Variants in MUC4 observed in about 807,000 individuals in gnomAD.
The protein encoded by MUC4 is mucin-4.
Under a neutral mutation model 257.9 loss-of-function variants are expected in MUC4, and 202 were observed. That is an observed-to-expected ratio of 0.78 (90% CI 0.70 to 0.88). The LOEUF (loss-of-function observed/expected upper bound fraction) is 0.88, where lower values mean the gene tolerates loss of function less well. MUC4 is among the 40% of genes least tolerant of loss of function. The pLI, the probability that MUC4 is intolerant of heterozygous loss-of-function variation, is 0.00. For missense variants in MUC4, 5,976 were observed against 6,513.7 expected, an observed-to-expected ratio of 0.92 and a Z score of 2.84; for synonymous variants, 2,351 against 2,757.1, an observed-to-expected ratio of 0.85 and a Z score of 4.62.
rs200964957 is a variant in MUC4, at chr3:195,784,340, C to T, written c.7240G>A (p.Ala2414Thr). ...TDTSSASTGH[A>T]THLPVTGLSS... ...AGGCCGGTGACAGGAAGATGGGTGG[C>T]GTGACCTGTGGATGCTGAGGAAGTG... is the stretch of plus-strand genomic sequence containing the variant. The change falls in exon 2 of 25, where the codon GCC becomes ACC. Residue 2414 changes from alanine (A) to threonine (T), a missense_variant. Ala to Thr is a moderately conservative substitution (Grantham distance 58). Around this residue, in one of 44 missense-constraint regions of MUC4, gnomAD observed 5 missense variants for 46.3 expected, o/e 0.11. Transcript: ENST00000463781. 2.1e-3 allele frequency: 2,907 copies of T among 1,389,310 alleles called. 457 individuals are homozygous for T. The highest frequency in any genetic ancestry group is 0.011 in the Middle Eastern group (44 of 4,146). 86.1% of individuals were successfully genotyped at this position (1,389,310 alleles called of 1,614,324 possible).
rs1482579161 is a variant in MUC4 at position 195,810,303 on chromosome 3, T to G, written c.82+1433A>C. The G allele has an allele frequency of 6.6e-6, 1 of 152,196 alleles. No individual in the cohort carries two copies. The highest frequency in any genetic ancestry group is 1.5e-5 in the Non-Finnish European group (1 of 68,064). The allele number at this position is 152,196 out of a possible 1,614,324, so 9.4% of individuals were successfully genotyped here. On this transcript the variant is annotated intron_variant, in intron 1 of 24. Transcript: ENST00000463781. This position sits in a 1 kb window ranked among gnomAD's most constrained non-coding sequence, Gnocchi z 4.2. ...TCCTCAAATATGCGCCCAAGAAATATTTTCCCTCGGCGACTGTTCTTAGCC... is the reference window on the plus strand; with the variant it reads ...TCCTCAAATATGCGCCCAAGAAATAGTTTCCCTCGGCGACTGTTCTTAGCC...
At position 195,789,992 on chromosome 3, in the gene MUC4, G is replaced by T. The variant is rs765590838; in HGVS notation, c.1588C>A (p.Pro530Thr). The change falls in exon 2 of 25, where the codon CCA (proline) becomes ACA (threonine). Residue 530 changes from proline (P) to threonine (T), a missense_variant. Around this residue, in one of 44 missense-constraint regions of MUC4, gnomAD observed 1,583 missense variants for 1,257.4 expected, o/e 1.26. Transcript: ENST00000463781. Reference protein sequence around the residue: ...NPSTGTAGTIPRVPSKVSAIG... With the variant: ...NPSTGTAGTITRVPSKVSAIG... ...GCTGAGACCTTAGAGGGGACCCTTG[G>T]AATAGTGCCAGCTGTCCCTGTAGAT... is the stretch of plus-strand genomic sequence containing the variant. 1 of 1,613,982 alleles carries T rather than the reference G, an allele frequency of 6.2e-7. No individual in the cohort carries two copies. The highest frequency in any genetic ancestry group is 8.5e-7 in the Non-Finnish European group (1 of 1,179,886).
In MUC4 at chr3:195,782,396, G is replaced by C. The variant is rs747871969; in HGVS notation, c.9184C>G (p.Pro3062Ala). The stretch of plus-strand genomic sequence containing the variant: ...GCGTGACCGGTGGATGCTGAGGAAG[G>C]GCTGGTGACATGAAGAGGGTTGGCG... Reference protein sequence around the residue: ...GHANPLHVTSPSSASTGHATP... With the variant: ...GHANPLHVTSASSASTGHATP... Residue 3062 changes from proline (P) to alanine (A), a missense_variant, in exon 2 of 25, where the codon CCT (proline) becomes GCT (alanine). Physicochemically the swap from Pro to Ala is conservative, Grantham distance 27 (BLOSUM62 -1). Transcript: ENST00000463781. 7.5e-7 allele frequency: 1 copy of C among 1,338,764 alleles called. No individual in the cohort carries two copies. 82.9% of individuals were successfully genotyped at this position (1,338,764 alleles called of 1,614,324 possible).
In MUC4 at chr3:195,764,181, T is replaced by C; in HGVS notation, c.13925-17A>G. Reference sequence around the variant, plus strand: ...GTTCCTGGGCTGCGGAGAACAGCAGTGAGTCGGGGAGGTTGAGGACCTGGA... The same window carrying C: ...GTTCCTGGGCTGCGGAGAACAGCAGCGAGTCGGGGAGGTTGAGGACCTGGA... On this transcript the variant is annotated splice_polypyrimidine_tract_variant and intron_variant, in intron 10 of 24. Transcript: ENST00000463781. 1 of 1,555,512 alleles carries C rather than the reference T, an allele frequency of 6.4e-7. No individual in the cohort carries two copies. Among genetic ancestry groups the C allele is most frequent in the Non-Finnish European group, 8.7e-7 (1 of 1,149,718 alleles).
chr3:195,788,919 T>C lies in MUC4; in HGVS notation c.2661A>G (p.Gly887=). The C allele has an allele frequency of 1.9e-6, 3 of 1,613,618 alleles. No homozygotes were observed. The highest frequency in any genetic ancestry group is 2.2e-5 in the South Asian group (2 of 91,050). ...SEASTAGRPT[G]QSSPTSPSAS... ...CACTGGGAGAAGTTGGGCTTGACTG[T>C]CCTGTCGGTCTCCCTGCAGTGGAGG... The change falls in exon 2 of 25, where the codon GGA becomes GGG. Residue 887 remains glycine, a synonymous_variant. Transcript: ENST00000463781.
In MUC4 at chr3:195,791,294, T is replaced by C. The variant is rs1270980907; in HGVS notation, c.286A>G (p.Met96Val). 1 of 1,613,670 alleles carries C rather than the reference T, an allele frequency of 6.2e-7. No individual in the cohort carries two copies. Among genetic ancestry groups the C allele is most frequent in the East Asian group, 2.2e-5 (1 of 44,886 alleles). ...SKAQTDTLTQ[M>V]MTSTLFSSPS... ...GAAGAAAAAAGAGTTGATGTCATCA[T>C]CTGCGTGAGGGTGTCGGTTTGAGCT... Residue 96 changes from methionine (M) to valine (V), a missense_variant, in exon 2 of 25, where the codon ATG becomes GTG. By Grantham distance (21) the Met-to-Val change is conservative. Around this residue, in one of 44 missense-constraint regions of MUC4, gnomAD observed 1,583 missense variants for 1,257.4 expected, o/e 1.26. Transcript: ENST00000463781.
intron 3 of MUC4, among the ~76,000 whole-genome samples, chr3:195,777,928 A>G (rs990135427): frequency 1.3e-5 from 2 of 148,498 alleles, no homozygotes; most frequent in African/African-American, 5.0e-5. Context: ...TACCTTCCAC[A>G]CCCATACCTT....
chr3:195,797,775 T>C (rs1360906206), intron 1 of MUC4, among the ~76,000 whole-genome samples: 1 of 152,154 alleles, frequency 6.6e-6, no homozygotes, highest in Non-Finnish European at 1.5e-5. Context: ...ATATACATTA[T>C]TAGCAAAGTT....
Position 195,792,929 on chromosome 3 carries a change from C to A in MUC4, c.83-1432G>T, listed in dbSNP as rs954169825. ...TTTTCACTCATAAGTTGGAGTTGAACAATGAGAACACATGGACACAGAGAG... is the reference window on the plus strand; with the variant it reads ...TTTTCACTCATAAGTTGGAGTTGAAAAATGAGAACACATGGACACAGAGAG... On this transcript the variant is annotated intron_variant, in intron 1 of 24. Coordinates refer to ENST00000463781, the MANE Select transcript of MUC4 (RefSeq NM_018406.7). 2.6e-4 allele frequency among the ~76,000 whole-genome samples: 40 copies of A among 152,194 alleles called. 1 individual carries two copies. The highest frequency in any genetic ancestry group is 2.2e-3 in the Admixed American group (34 of 15,282).
chr3:195,752,618 A>G lies in MUC4; in HGVS notation c.15509-172T>C, dbSNP rs868139473. On this transcript the variant is annotated intron_variant, in intron 20 of 24. Coordinates refer to ENST00000463781, the MANE Select transcript of MUC4 (RefSeq NM_018406.7). The stretch of plus-strand genomic sequence containing the variant: ...TTCCACAGTGACAGAAGGTCGCTGA[A>G]GAAACCGGGAGAAGTGGCCCTCACC... 7.0e-4 allele frequency: 303 copies of G among 435,280 alleles called. 22 individuals are homozygous for G. Among genetic ancestry groups the G allele is most frequent in the South Asian group, 2.1e-3 (81 of 38,212 alleles). The allele number at this position is 435,280 out of a possible 1,614,324, so 27.0% of individuals were successfully genotyped here.
chr3:195,753,577 G>A (rs779584454), intron 19 of MUC4: 349 of 378,766 alleles, frequency 9.2e-4, no homozygotes, highest in Non-Finnish European at 1.1e-3. Context: ...TAAAAGCTGC[G>A]GTTCTACCCA....
intron 18 of MUC4, among the ~76,000 whole-genome samples, chr3:195,756,401 G>A (rs542698501): frequency 2.0e-4 from 31 of 152,342 alleles, no homozygotes; most frequent in Middle Eastern, 3.4e-3. Flanking sequence ...AGAGCTGTGG[G>A]GCGCTGTGAG....
At chr3:195,762,355 G>A in intron 13 of MUC4, 101 bp from the exon 14 acceptor site, 4 of 1,313,512 alleles carry the variant, frequency 3.0e-6, no homozygotes, top group Admixed American at 2.6e-5. Flanking sequence ...CCCGCCCCTG[G>A]GGCTGAAGCC....
intron 3 of MUC4, among the ~76,000 whole-genome samples, chr3:195,775,594 AC>A (rs1724341591): frequency 7.6e-6 from 1 of 132,086 alleles, no homozygotes; most frequent in African/African-American, 3.2e-5. Flanking sequence ...CCACACCCAT[AC>A]CTTCCACACC....
rs747030109 is a variant in MUC4 at position 195,789,055 on chromosome 3, T to C, written c.2525A>G (p.Gln842Arg). The change falls in exon 2 of 25, where the codon CAG becomes CGG. Residue 842 changes from glutamine to arginine, a missense_variant. Coordinates refer to ENST00000463781, the MANE Select transcript of MUC4 (RefSeq NM_018406.7). Reference sequence around the variant, plus strand: ...GGCGGACAGCAATTCGGTTGTTGACTGGGTTGTGTGACTGTCCCTGGAGGG... The same window carrying C: ...GGCGGACAGCAATTCGGTTGTTGACCGGGTTGTGTGACTGTCCCTGGAGGG... ...SNPSRDSHTT[Q>R]STTELLSASA... 2.2e-5 allele frequency: 36 copies of C among 1,613,638 alleles called. No homozygotes were observed. The highest frequency in any genetic ancestry group is 2.9e-5 in the Non-Finnish European group (34 of 1,179,806).
At chr3:195,753,955 G>A (rs1294689950) in intron 19 of MUC4, 6 of 399,078 alleles carry the variant, frequency 1.5e-5, no homozygotes, top group South Asian at 7.6e-5. Flanking sequence ...GCCCAGCCCC[G>A]TCCCCTCCCC....
At chr3:195,749,154 A>AAT (rs1715815714) in intron 23 of MUC4, 90 bp from the exon 24 acceptor site, 2 of 1,480,510 alleles carry the variant, frequency 1.4e-6, no homozygotes, top group South Asian at 2.4e-5. Context: ...TCGGGTGTTT[A>AAT]TCCTGAGAAA....
At chr3:195,748,162 C>T (rs1405956781) in intron 24 of MUC4, among the ~76,000 whole-genome samples, 1 of 152,286 alleles carries the variant, frequency 6.6e-6, no homozygotes, top group Non-Finnish European at 1.5e-5. Flanking sequence ...AGGGCAGGGG[C>T]AAAGGCGCCT....
In MUC4 at chr3:195,771,706, A is replaced by C; in HGVS notation, c.13188T>G (p.Ala4396=). 1 of 1,613,790 alleles carries C rather than the reference A, an allele frequency of 6.2e-7. No homozygotes were observed. The highest frequency in any genetic ancestry group is 8.5e-7 in the Non-Finnish European group (1 of 1,179,840). ...AGAAGTCAGCATCGTCCCAGAACGG[A>C]GCCACCAGGGCCACAGGGTCCCGGC... The part of the protein sequence containing the change: ...FTGRDPVALV[A]PFWDDADFST... The change falls in exon 5 of 25, where the codon GCT becomes GCG. Residue 4396 remains alanine, a synonymous_variant. Coordinates refer to ENST00000463781, the MANE Select transcript of MUC4 (RefSeq NM_018406.7).
Sources: gnomAD v4.1 joint callset for allele counts (sites outside exome capture counted in the v4.1 genomes callset) on GRCh38, gnomAD v4.1.1 for gene constraint, gnomAD v4.1.1 regional missense constraint, Gnocchi (gnomAD v3.1) non-coding constraint, MANE v1.5 for transcripts, NCBI Gene and HGNC (gene_info 2026-07-23, HGNC 2026-07-21) for gene names.